Variants in PRKAG2 observed in about 807,000 individuals in gnomAD.
PRKAG2 encodes the protein 5'-AMP-activated protein kinase subunit gamma-2.
In PRKAG2, 26 loss-of-function variants were observed where a neutral mutation model predicts 69.6. The observed-to-expected ratio is 0.37, with a 90% confidence interval of 0.27 to 0.52. PRKAG2 has a LOEUF of 0.52. Ranked by LOEUF, PRKAG2 falls within the 20% of genes least tolerant of loss-of-function variation. The pLI is 0.90. For synonymous variants in PRKAG2, 293 were observed against 285.0 expected (o/e 1.03, Z -0.28); for missense variants, 557 against 740.0 (o/e 0.75, Z 2.87).
chr7:151,591,201 T>C (rs1248997434), intron 6 of PRKAG2, among the ~76,000 whole-genome samples: 1 of 148,166 alleles, frequency 6.7e-6, no homozygotes, highest in Non-Finnish European at 1.5e-5. Flanking sequence ...CCACAGCCCC[T>C]GCCTGGACAC....
chr7:151,744,568 T>A (rs995287594), intron 3 of PRKAG2, among the ~76,000 whole-genome samples: 1 of 152,164 alleles, frequency 6.6e-6, no homozygotes, highest in Non-Finnish European at 1.5e-5. Context: ...AAAACCAAAT[T>A]TTTGAAAAGA....
intron 5 of PRKAG2, among the ~76,000 whole-genome samples, chr7:151,611,775 C>A (rs143927276): frequency 6.6e-6 from 1 of 152,126 alleles, no homozygotes; most frequent in Admixed American, 6.5e-5. Flanking sequence ...AGTCTCGGGC[C>A]GGGCACGGTG....
At chr7:151,746,756 G>A (rs762853865) in intron 3 of PRKAG2, among the ~76,000 whole-genome samples, 3 of 152,208 alleles carry the variant, frequency 2.0e-5, no homozygotes, top group South Asian at 4.1e-4. Context: ...GGCTGTGGCC[G>A]GAGCCTGGGG....
chr7:151,631,224 G>A (rs564856134), intron 5 of PRKAG2, among the ~76,000 whole-genome samples: 1 of 152,258 alleles, frequency 6.6e-6, no homozygotes, highest in African/African-American at 2.4e-5. Flanking sequence ...CAGTGTGAAC[G>A]CCTTTTCAAG....
At chr7:151,575,223 T>TA (rs1235504537) in intron 7 of PRKAG2, among the ~76,000 whole-genome samples, 4 of 152,202 alleles carry the variant, frequency 2.6e-5, no homozygotes, top group Non-Finnish European at 5.9e-5. Context: ...CATTAATTGA[T>TA]ACAAATTTGA....
chr7:151,864,705 C>T (rs1390456680), intron 1 of PRKAG2, among the ~76,000 whole-genome samples: 1 of 152,182 alleles, frequency 6.6e-6, no homozygotes, highest in Non-Finnish European at 1.5e-5. Flanking sequence ...TCTCCTCGGA[C>T]ACTCACTCAT....
At chr7:151,737,773 T>G (rs1383889355) in intron 3 of PRKAG2, among the ~76,000 whole-genome samples, 1 of 152,116 alleles carries the variant, frequency 6.6e-6, no homozygotes, top group Non-Finnish European at 1.5e-5. Context: ...AGATGCCTGA[T>G]GAGATAAAGA....
At chr7:151,732,853 C>T (rs1230225759) in intron 3 of PRKAG2, among the ~76,000 whole-genome samples, 22 of 152,236 alleles carry the variant, frequency 1.4e-4, no homozygotes, top group Non-Finnish European at 7.4e-5. Flanking sequence ...CTAACACCCC[C>T]GGCCAATTTT....
chr7:151,632,332 CCG>C lies in PRKAG2; in HGVS notation c.685-196_685-195del, dbSNP rs1184171143. ...CCCCACCCGCCCGAGGCCGCCGCCG[CCG>C]CCGCAGGTGGCGCGGCCGCGGCCCG... is the stretch of plus-strand genomic sequence containing the variant. On this transcript the variant is annotated intron_variant, in intron 4 of 15. Transcript: ENST00000287878. The surrounding 1 kb of genome is among the most constrained non-coding windows in gnomAD (Gnocchi z 4.2). The C allele has an allele frequency of 1.0e-5, 7 of 700,858 alleles. No homozygotes were observed. The highest frequency in any genetic ancestry group is 7.0e-6 in the Non-Finnish European group (4 of 571,982). 43.4% of individuals were successfully genotyped at this position (700,858 alleles called of 1,614,324 possible).
chr7:151,790,883 C>G (rs933397504), intron 1 of PRKAG2, among the ~76,000 whole-genome samples: 10 of 152,232 alleles, frequency 6.6e-5, no homozygotes, highest in Non-Finnish European at 1.2e-4. Flanking sequence ...GGACTCACGT[C>G]AAGATGGTGT....
At chr7:151,599,279 G>C (rs1034170073) in intron 5 of PRKAG2, among the ~76,000 whole-genome samples, 2 of 152,046 alleles carry the variant, frequency 1.3e-5, no homozygotes, top group Admixed American at 1.3e-4. Flanking sequence ...ATGTCCTCTT[G>C]TCACCCTAAC....
At chr7:151,716,759 G>T (rs971918430) in intron 3 of PRKAG2, among the ~76,000 whole-genome samples, 2 of 152,234 alleles carry the variant, frequency 1.3e-5, no homozygotes, top group African/African-American at 4.8e-5. Context: ...AAAGGAAACA[G>T]CGTCTGAAAC....
Position 151,870,548 on chromosome 7 carries a change from C to A in PRKAG2, c.114+5959G>T, listed in dbSNP as rs574190269. 5.3e-5 allele frequency among the ~76,000 whole-genome samples: 8 copies of A among 152,360 alleles called. No individual in the cohort carries two copies. The East Asian group carries it at 1.5e-3, about 29-fold the overall frequency. On this transcript the variant is annotated intron_variant, in intron 1 of 15. Transcript: ENST00000287878. ...CGTCCACTGTGCCACACAGCATCCCCCTTCCCTTTGCGGAGGCTTCCATCC... is the reference window on the plus strand; with the variant it reads ...CGTCCACTGTGCCACACAGCATCCCACTTCCCTTTGCGGAGGCTTCCATCC...
rs527556452 is a variant in PRKAG2, at chr7:151,714,240, C to T, written c.467-38603G>A. Among the ~76,000 whole-genome samples the T allele has an allele frequency of 3.9e-5, 6 of 152,310 alleles. No homozygotes were observed. The East Asian group carries it at 5.8e-4, about 15-fold the overall frequency. ...TTAAACATCCTATGCAGTTACTCAC[C>T]GGCCTAACTTACGTTTGACTTCTAA... On this transcript the variant is annotated intron_variant, in intron 3 of 15. Coordinates refer to ENST00000287878, the MANE Select transcript of PRKAG2 (RefSeq NM_016203.4).
intron 1 of PRKAG2, among the ~76,000 whole-genome samples, chr7:151,863,085 GCTGGTAGGTCCCCGGGTGCAGGGACCA>G (rs2079976417): frequency 2.2e-5 from 3 of 138,340 alleles, no homozygotes; most frequent in South Asian, 2.4e-4. Context: ...TGCAGGGGGC[GCTGGTAGGTCCCCGGGTGCAGGGACCA>G]CTGGTAGGTC....
chr7:151,804,664 G>T (rs1177424706), intron 1 of PRKAG2, among the ~76,000 whole-genome samples: 1 of 152,108 alleles, frequency 6.6e-6, no homozygotes, highest in Non-Finnish European at 1.5e-5. Context: ...TTCAACACCT[G>T]GACTTTTGCT....
At position 151,557,037 on chromosome 7, in the gene PRKAG2, A is replaced by C; in HGVS notation, c.*164T>G. 1 of 1,193,740 alleles carries C rather than the reference A, an allele frequency of 8.4e-7. No homozygotes were observed. The highest frequency in any genetic ancestry group is 1.4e-5 in the South Asian group (1 of 73,218). The allele number at this position is 1,193,740 out of a possible 1,614,324, so 73.9% of individuals were successfully genotyped here. On this transcript the variant is annotated 3_prime_UTR_variant, in exon 16 of 16. Coordinates refer to ENST00000287878, the MANE Select transcript of PRKAG2 (RefSeq NM_016203.4). ...TGCAAGCCTGAATCTTCAAGCACAT[A>C]AAATCTTTCTTTTTTAAGCTTAATT...
intron 6 of PRKAG2, among the ~76,000 whole-genome samples, chr7:151,577,844 T>C (rs1441289209): frequency 6.6e-6 from 1 of 152,056 alleles, no homozygotes; most frequent in African/African-American, 2.4e-5. Context: ...AAAATGTAAC[T>C]GTAAAATTAT....
intron 1 of PRKAG2, among the ~76,000 whole-genome samples, chr7:151,862,480 A>T (rs1007601067): frequency 2.0e-5 from 3 of 152,238 alleles, no homozygotes; most frequent in African/African-American, 7.2e-5. Flanking sequence ...ATTCTCAAAG[A>T]CGGCCCCCAT....
Sources: allele counts gnomAD v4.1 joint callset (sites outside exome capture counted in the v4.1 genomes callset), GRCh38; gene constraint gnomAD v4.1.1; non-coding constraint Gnocchi (gnomAD v3.1); transcripts MANE v1.5; gene names NCBI Gene and HGNC (gene_info 2026-07-23, HGNC 2026-07-21).